The following CXXC4 variants were observed in gnomAD, a reference collection of about 807,000 sequenced individuals.
CXXC4 encodes the protein CXXC finger protein 4.
CXXC4 carries 5 observed loss-of-function variants against 20.5 expected under a neutral mutation model. That is an observed-to-expected ratio of 0.24 (90% CI 0.13 to 0.51). CXXC4 has a LOEUF of 0.51. Among genes scored for constraint, CXXC4 ranks in the 20% least tolerant of loss-of-function variants. CXXC4 has a pLI of 0.97. For synonymous variants in CXXC4, 250 were observed against 216.4 expected (o/e 1.16, Z -1.36); for missense variants, 419 against 496.4 (o/e 0.84, Z 1.48).
At chr4:104,478,222 C>T (rs552530398) in intron 2 of CXXC4, among the ~76,000 whole-genome samples, 2 of 152,158 alleles carry the variant, frequency 1.3e-5, no homozygotes, top group Non-Finnish European at 2.9e-5. Flanking sequence ...CTGCAACCAC[C>T]ACAGTTACCA....
intron 2 of CXXC4, among the ~76,000 whole-genome samples, chr4:104,489,009 A>C (rs1736766849): frequency 6.6e-6 from 1 of 152,216 alleles, no homozygotes; most frequent in Non-Finnish European, 1.5e-5. Flanking sequence ...AGAGAATTTC[A>C]GTATGAACTG....
chr4:104,476,964 G>C (rs998992346), intron 2 of CXXC4, among the ~76,000 whole-genome samples: 1 of 152,066 alleles, frequency 6.6e-6, no homozygotes, highest in South Asian at 2.1e-4. Context: ...ACCACCTACT[G>C]TATAACCTTT....
Position 104,468,815 on chromosome 4 carries a change from C to T in CXXC4, c.*3507G>A, listed in dbSNP as rs192477980. On this transcript the variant is annotated 3_prime_UTR_variant, in exon 3 of 3. Transcript: ENST00000394767. ...CGGCTTTTTGCTGAACATATTTGAC[C>T]CTGAATAGTGTGTTCATTTAACTGC... 223 of 151,884 alleles carry T rather than the reference C, an allele frequency of 1.5e-3. 4 individuals are homozygous for T. Among genetic ancestry groups the T allele is most frequent in the Admixed American group, 0.015 (222 of 15,226 alleles). The allele number at this position is 151,884 out of a possible 1,614,324, so 9.4% of individuals were successfully genotyped here. A position where few individuals can be genotyped will look rare whatever the true frequency, so the allele number is the denominator to read the frequency against.
At chr4:104,483,223 A>T (rs943861335) in intron 2 of CXXC4, among the ~76,000 whole-genome samples, 1 of 150,596 alleles carries the variant, frequency 6.6e-6, no homozygotes, top group African/African-American at 2.5e-5. Flanking sequence ...TCTAGTCATT[A>T]AAAAAAAATT....
At chr4:104,479,765 C>T (rs1008511719) in intron 2 of CXXC4, among the ~76,000 whole-genome samples, 5 of 147,960 alleles carry the variant, frequency 3.4e-5, no homozygotes, top group Non-Finnish European at 7.5e-5. Context: ...TCCCTCCCTT[C>T]CTTCCTTCCC....
At chr4:104,487,382 T>G (rs1465944313) in intron 2 of CXXC4, among the ~76,000 whole-genome samples, 2 of 152,168 alleles carry the variant, frequency 1.3e-5, no homozygotes, top group Non-Finnish European at 2.9e-5. Context: ...ACCTGAACAA[T>G]GTTCAGAGAC....
intron 2 of CXXC4, among the ~76,000 whole-genome samples, 184 bp from the exon 3 acceptor site, chr4:104,472,550 T>C (rs918114403): frequency 1.3e-5 from 2 of 151,996 alleles, no homozygotes; most frequent in African/African-American, 4.8e-5. Context: ...AATTAGAATA[T>C]TGAATTTAAT....
rs1325225225 is a variant in CXXC4, at chr4:104,471,025, T to G, written c.*1297A>C. On this transcript the variant is annotated 3_prime_UTR_variant, in exon 3 of 3. Transcript: ENST00000394767. ...GACTGTAGCCCTGCCTTCTCAGGAA[T>G]GAAAGCATCAAGTAACAACAATGGA... is the stretch of plus-strand genomic sequence containing the variant. 6.6e-6 allele frequency: 1 copy of G among 151,894 alleles called. No individual in the cohort carries two copies. The highest frequency in any genetic ancestry group is 1.5e-5 in the Non-Finnish European group (1 of 67,978). 9.4% of individuals were successfully genotyped at this position (151,894 alleles called of 1,614,324 possible).
intron 2 of CXXC4, among the ~76,000 whole-genome samples, chr4:104,480,340 GC>G (rs1736520168): frequency 6.6e-6 from 1 of 151,948 alleles, no homozygotes; most frequent in Non-Finnish European, 1.5e-5. Context: ...TTCTTTAGTA[GC>G]CTTTTTTATA....
Position 104,472,205 on chromosome 4 carries a change from T to C in CXXC4, c.*117A>G. 1.8e-6 allele frequency: 1 copy of C among 543,138 alleles called. No homozygotes were observed. Among genetic ancestry groups the C allele is most frequent in the Admixed American group, 3.1e-5 (1 of 32,000 alleles). The allele number at this position is 543,138 out of a possible 1,614,324, so 33.6% of individuals were successfully genotyped here. ...TTTTTTTTGAAGAAAGCCCTATACA[T>C]AAAATGAAAATAATTTCTGGATATT... On this transcript the variant is annotated 3_prime_UTR_variant, in exon 3 of 3. Transcript: ENST00000394767.
At chr4:104,482,306 C>T (rs187114135) in intron 2 of CXXC4, among the ~76,000 whole-genome samples, 30 of 151,864 alleles carry the variant, frequency 2.0e-4, no homozygotes, top group Non-Finnish European at 1.6e-4. Flanking sequence ...AAATCTAAAA[C>T]CACTCCACTT....
chr4:104,478,590 A>C (rs1237392158), intron 2 of CXXC4, among the ~76,000 whole-genome samples: 2 of 152,170 alleles, frequency 1.3e-5, no homozygotes, highest in African/African-American at 4.8e-5. Context: ...TTTCGTAAAA[A>C]TACTTCAAAC....
Position 104,468,962 on chromosome 4 carries a change from TTTTA to T in CXXC4, c.*3356_*3359del, listed in dbSNP as rs1276962225. On this transcript the variant is annotated 3_prime_UTR_variant, in exon 3 of 3. Transcript: ENST00000394767. ...TTGAAAGGAAGAGAATATTCCTTTC[TTTTA>T]GTGATTGCTTAATATTAATTCATAA... 1 of 152,070 alleles carries T rather than the reference TTTTA, an allele frequency of 6.6e-6. No homozygotes were observed. Among genetic ancestry groups the T allele is most frequent in the Non-Finnish European group, 1.5e-5 (1 of 67,982 alleles). 9.4% of individuals were successfully genotyped at this position (152,070 alleles called of 1,614,324 possible).
At chr4:104,493,797 A>G (rs1202502624) in intron 1 of CXXC4, among the ~76,000 whole-genome samples, 1 of 152,238 alleles carries the variant, frequency 6.6e-6, no homozygotes, top group African/African-American at 2.4e-5. Context: ...AAGAATATGC[A>G]TATAGCTTCA....
In CXXC4 at chr4:104,472,291, A is replaced by T. The variant is rs532113204; in HGVS notation, c.*31T>A. ...AGACATTAGTTTGCCCTTCATTTCCAAATGCCTTGAAAATAAGATATACTA... is the reference window on the plus strand; with the variant it reads ...AGACATTAGTTTGCCCTTCATTTCCTAATGCCTTGAAAATAAGATATACTA... On this transcript the variant is annotated 3_prime_UTR_variant, in exon 3 of 3. Coordinates refer to ENST00000394767, the MANE Select transcript of CXXC4 (RefSeq NM_025212.4). 1 of 1,521,090 alleles carries T rather than the reference A, an allele frequency of 6.6e-7. No individual in the cohort carries two copies. The highest frequency in any genetic ancestry group is 9.0e-7 in the Non-Finnish European group (1 of 1,112,274). 94.2% of individuals were successfully genotyped at this position (1,521,090 alleles called of 1,614,324 possible).
In CXXC4 at chr4:104,494,801, G is replaced by C. The variant is rs1395178668; in HGVS notation, c.-358C>G. The C allele has an allele frequency of 6.6e-6, 1 of 150,698 alleles. No individual in the cohort carries two copies. Among genetic ancestry groups the C allele is most frequent in the Non-Finnish European group, 1.5e-5 (1 of 67,706 alleles). The allele number at this position is 150,698 out of a possible 1,614,324, so 9.3% of individuals were successfully genotyped here. On this transcript the variant is annotated 5_prime_UTR_variant, in exon 1 of 3. Transcript: ENST00000394767. ...GGAGGTGGGGGGAGAGGAAAGAGTC[G>C]AGTGTGAGTGTATGTGTGAGAGCGC...
intron 2 of CXXC4, among the ~76,000 whole-genome samples, chr4:104,473,271 T>C (rs1335430493): frequency 6.6e-6 from 1 of 151,830 alleles, no homozygotes; most frequent in Non-Finnish European, 1.5e-5. Flanking sequence ...TCAACAAATA[T>C]ATATATAAAG....
At chr4:104,486,414 A>C (rs1736696284) in intron 2 of CXXC4, among the ~76,000 whole-genome samples, 1 of 151,858 alleles carries the variant, frequency 6.6e-6, no homozygotes, top group Non-Finnish European at 1.5e-5. Flanking sequence ...TCAAAGATAA[A>C]ATTTTCCAAG....
At chr4:104,488,356 G>T (rs966874316) in intron 2 of CXXC4, among the ~76,000 whole-genome samples, 2 of 152,176 alleles carry the variant, frequency 1.3e-5, no homozygotes, top group Non-Finnish European at 2.9e-5. Context: ...TCTGACATGT[G>T]CTCAGCTGGT....
Sources: gnomAD v4.1 joint callset for allele counts (sites outside exome capture counted in the v4.1 genomes callset) on GRCh38, gnomAD v4.1.1 for gene constraint, MANE v1.5 for transcripts, NCBI Gene and HGNC (gene_info 2026-07-23, HGNC 2026-07-21) for gene names.